Variants in LINGO2 observed in about 807,000 individuals in gnomAD.
LINGO2 encodes the protein leucine rich repeat and Ig domain containing 2.
Under a neutral mutation model 30.6 loss-of-function variants are expected in LINGO2, and 14 were observed. The observed-to-expected ratio is 0.46, with a 90% CI of 0.30 to 0.72. The LOEUF (loss-of-function observed/expected upper bound fraction) is 0.72, where lower values mean the gene tolerates loss of function less well. LINGO2 is among the 30% of genes least tolerant of loss of function. The probability of loss-of-function intolerance (pLI) is 0.07; values close to 1 mark genes in which losing one functional copy is unlikely to be tolerated. For missense variants in LINGO2, 729 were observed against 751.7 expected (o/e 0.97, Z 0.35); for synonymous variants, 317 against 288.5 (o/e 1.10, Z -1.00).
At chr9:29,169,072 T>C in the LINGO2 span, among the ~76,000 whole-genome samples, 3 of 152,090 alleles carry the variant, frequency 2.0e-5, no homozygotes, top group Non-Finnish European at 4.4e-5. Flanking sequence ...CTCAGCCTCC[T>C]GAGTAGCTGG....
At chr9:28,007,704 C>T (rs1822335924) in intron 5 of LINGO2, among the ~76,000 whole-genome samples, 1 of 152,114 alleles carries the variant, frequency 6.6e-6, no homozygotes. Context: ...GCTGCAGAAA[C>T]ATCAGTGGTT....
At chr9:28,841,592 G>A in the LINGO2 span, among the ~76,000 whole-genome samples, 1 of 151,574 alleles carries the variant, frequency 6.6e-6, no homozygotes. Flanking sequence ...AAAGTATATA[G>A]TATACCAGAA....
chr9:29,135,998 A>T, the LINGO2 span, among the ~76,000 whole-genome samples: 1 of 152,116 alleles, frequency 6.6e-6, no homozygotes, highest in Non-Finnish European at 1.5e-5. Flanking sequence ...AAAAGTCCCT[A>T]GGATGACCCA....
intron 4 of LINGO2, among the ~76,000 whole-genome samples, chr9:28,031,297 T>C (rs1823656406): frequency 6.6e-6 from 1 of 152,006 alleles, no homozygotes; most frequent in Non-Finnish European, 1.5e-5. Context: ...TGTTTAACCT[T>C]GTTTTGCATA....
rs1380029523 is a variant in LINGO2 at position 28,506,503 on chromosome 9, G to GATAGATAGATATATAT, written c.-364-30479_-364-30478insATATATATCTATCTAT. On this transcript the variant is annotated intron_variant, in intron 1 of 5. Transcript: ENST00000379992. ...ACATACACATACACACACACACACAGACATATATATATATATATAAACTGT... is the reference window on the plus strand; with the variant it reads ...ACATACACATACACACACACACACAGATAGATAGATATATATACATATATATATATATATAAACTGT... Among the ~76,000 whole-genome samples the GATAGATAGATATATAT allele has an allele frequency of 8.4e-5, 7 of 83,140 alleles. 1 individual carries two copies. 54.5% of individuals were successfully genotyped at this position (83,140 alleles called of 152,430 possible). A position where few individuals can be genotyped will look rare whatever the true frequency, so the allele number is the denominator to read the frequency against.
intron 2 of LINGO2, among the ~76,000 whole-genome samples, chr9:28,427,799 G>C (rs538984376): frequency 3.2e-4 from 48 of 152,058 alleles, no homozygotes; most frequent in Non-Finnish European, 5.3e-4. Flanking sequence ...TCACTCCTTT[G>C]TTAGATGAGG....
At chr9:28,807,011 T>A in the LINGO2 span, among the ~76,000 whole-genome samples, 1 of 151,150 alleles carries the variant, frequency 6.6e-6, no homozygotes, top group South Asian at 2.1e-4. Context: ...TATTATTATT[T>A]TTATAATTAT....
intron 5 of LINGO2, among the ~76,000 whole-genome samples, chr9:27,955,100 A>G (rs1434626994): frequency 6.6e-6 from 1 of 152,212 alleles, no homozygotes; most frequent in East Asian, 1.9e-4. Context: ...TTGACATTCA[A>G]AAAGTCATGG....
chr9:28,959,587 A>ATCTC, the LINGO2 span, among the ~76,000 whole-genome samples: 1 of 107,458 alleles, frequency 9.3e-6, no homozygotes, highest in South Asian at 3.2e-4. Context: ...CTTTTCTTTT[A>ATCTC]TCTCTCTCTC....
the LINGO2 span, among the ~76,000 whole-genome samples, chr9:28,684,175 C>CTTTTTTTTTTTTTTT: frequency 6.6e-5 from 3 of 45,430 alleles, no homozygotes; most frequent in African/African-American, 8.7e-5. Flanking sequence ...AAATGTTTAT[C>CTTTTTTTTTTTTTTT]TTTTTTTTTT....
chr9:28,366,151 T>TA, intron 3 of LINGO2, among the ~76,000 whole-genome samples: 1 of 152,320 alleles, frequency 6.6e-6, no homozygotes, highest in South Asian at 2.1e-4. Flanking sequence ...GTTGCTACCA[T>TA]ATTAGTAACT....
the LINGO2 span, among the ~76,000 whole-genome samples, chr9:29,034,981 C>T: frequency 2.0e-5 from 3 of 152,142 alleles, no homozygotes; most frequent in East Asian, 1.9e-4. Flanking sequence ...AGGAATCATA[C>T]GCCTCAATAA....
chr9:28,819,594 C>T, the LINGO2 span, among the ~76,000 whole-genome samples: 5 of 152,112 alleles, frequency 3.3e-5, no homozygotes, highest in Admixed American at 1.3e-4. Context: ...CCAGAGTTCA[C>T]CACTCAAACA....
At chr9:28,752,147 T>C in the LINGO2 span, among the ~76,000 whole-genome samples, 1 of 151,966 alleles carries the variant, frequency 6.6e-6, no homozygotes, top group South Asian at 2.1e-4. Flanking sequence ...AATAATAATA[T>C]TGAGACTCGG....
chr9:28,623,348 C>T (rs546614662), intron 1 of LINGO2, among the ~76,000 whole-genome samples: 1 of 152,018 alleles, frequency 6.6e-6, no homozygotes, highest in Non-Finnish European at 1.5e-5. Flanking sequence ...GGTTTTAATC[C>T]ATTTTGATTT....
At chr9:28,664,892 T>C (rs1016516002) in intron 1 of LINGO2, among the ~76,000 whole-genome samples, 1 of 151,110 alleles carries the variant, frequency 6.6e-6, no homozygotes, top group African/African-American at 2.4e-5. Flanking sequence ...ATATTTTCTT[T>C]CACATATTTT....
chr9:28,510,349 A>G (rs1248481477), intron 1 of LINGO2, among the ~76,000 whole-genome samples: 1 of 146,080 alleles, frequency 6.8e-6, no homozygotes, highest in Non-Finnish European at 1.5e-5. Context: ...TTTGTATGTT[A>G]TATGTATTAT....
At chr9:28,370,055 A>C (rs1170272665) in intron 3 of LINGO2, among the ~76,000 whole-genome samples, 1 of 152,204 alleles carries the variant, frequency 6.6e-6, no homozygotes, top group Non-Finnish European at 1.5e-5. Flanking sequence ...CCTATTTTCA[A>C]ATACACAGGA....
chr9:28,732,652 T>A, the LINGO2 span, among the ~76,000 whole-genome samples: 2 of 152,130 alleles, frequency 1.3e-5, no homozygotes, highest in African/African-American at 4.8e-5. Context: ...AAAATCAAAA[T>A]TCAATGCATG....
Sources: allele counts gnomAD v4.1 joint callset (sites outside exome capture counted in the v4.1 genomes callset), GRCh38; gene constraint gnomAD v4.1.1; transcripts MANE v1.5; gene names NCBI Gene and HGNC (gene_info 2026-07-23, HGNC 2026-07-21).